Variants in MYO1E observed in about 807,000 individuals in gnomAD.
MYO1E encodes unconventional myosin-Ie.
A neutral mutation model predicts 151.1 loss-of-function variants in MYO1E; 68 were observed. That is an observed-to-expected ratio of 0.45 (90% CI 0.37 to 0.55). The LOEUF is 0.55. Among genes scored for constraint, MYO1E ranks in the 20% least tolerant of loss-of-function variants. The pLI is 0.00. For synonymous variants in MYO1E, 601 were observed against 501.7 expected (o/e 1.20, Z -2.64); for missense variants, 1,363 against 1,389.3 (o/e 0.98, Z 0.30).
chr15:59,150,206 A>C (rs2079467637), intron 26 of MYO1E, among the ~76,000 whole-genome samples: 1 of 152,212 alleles, frequency 6.6e-6, no homozygotes, highest in African/African-American at 2.4e-5. Flanking sequence ...ACATACAAGG[A>C]AATCTTAATG....
chr15:59,206,950 A>C (rs775396580), intron 14 of MYO1E: 1 of 1,612,764 alleles, frequency 6.2e-7, no homozygotes, highest in South Asian at 1.1e-5. Flanking sequence ...CATGAGTTGG[A>C]CTGTGCCTGT....
At chr15:59,264,710 G>GT (rs1268435202) in intron 2 of MYO1E, among the ~76,000 whole-genome samples, 6 of 152,108 alleles carry the variant, frequency 3.9e-5, no homozygotes, top group African/African-American at 4.8e-5. Context: ...TTTCTAATTG[G>GT]TAAGGACCTA....
chr15:59,330,353 A>T (rs758145266), intron 1 of MYO1E, among the ~76,000 whole-genome samples: 3 of 152,196 alleles, frequency 2.0e-5, no homozygotes, highest in Non-Finnish European at 4.4e-5. Flanking sequence ...TCACCCTCGA[A>T]TCCAGTTTCC....
intron 7 of MYO1E, among the ~76,000 whole-genome samples, chr15:59,226,646 A>C (rs932317433): frequency 2.0e-4 from 30 of 152,214 alleles, no homozygotes; most frequent in African/African-American, 7.0e-4. Context: ...ACCTCTACGA[A>C]AAATACAAAA....
chr15:59,351,995 C>T (rs1292189576), intron 1 of MYO1E, among the ~76,000 whole-genome samples: 1 of 152,204 alleles, frequency 6.6e-6, no homozygotes, highest in Non-Finnish European at 1.5e-5. Context: ...TGTTCTCACC[C>T]TCTTTAGGAG....
chr15:59,288,981 C>G (rs890747585), intron 1 of MYO1E, among the ~76,000 whole-genome samples: 1 of 152,166 alleles, frequency 6.6e-6, no homozygotes, highest in African/African-American at 2.4e-5. Context: ...AAGGAAGGGG[C>G]AGAATACTTA....
chr15:59,262,838 C>G (rs1048843554), intron 2 of MYO1E, among the ~76,000 whole-genome samples: 3 of 152,094 alleles, frequency 2.0e-5, no homozygotes, highest in South Asian at 2.1e-4. Context: ...TAAATGAAGA[C>G]TTATGATCAC....
intron 1 of MYO1E, among the ~76,000 whole-genome samples, chr15:59,315,638 T>C (rs1341861244): frequency 3.3e-5 from 5 of 152,136 alleles, no homozygotes; most frequent in Non-Finnish European, 5.9e-5. Flanking sequence ...GTTTCCTCAT[T>C]TGTAAAACAG....
chr15:59,273,532 T>C (rs149765605), intron 1 of MYO1E, among the ~76,000 whole-genome samples: 44 of 152,322 alleles, frequency 2.9e-4, no homozygotes, highest in African/African-American at 9.9e-4. Flanking sequence ...GAGTGGAGGT[T>C]AGGCCACTTT....
intron 1 of MYO1E, among the ~76,000 whole-genome samples, chr15:59,325,932 G>T (rs1453734973): frequency 6.6e-6 from 1 of 152,170 alleles, no homozygotes; most frequent in Non-Finnish European, 1.5e-5. Flanking sequence ...GGGCTGTCCA[G>T]TGAATCAGAA....
At position 59,214,645 on chromosome 15, in the gene MYO1E, A is replaced by G; in HGVS notation, c.1183T>C (p.Phe395Leu). ...GTTATTAAAACTGGCCTTACCTGGAATATTTCAAAGCCATAGATGTCTAGG... is the reference window on the plus strand; with the variant it reads ...GTTATTAAAACTGGCCTTACCTGGAGTATTTCAAAGCCATAGATGTCTAGG... ...GVLDIYGFEI[F>L]QKNGFEQFCI... Residue 395 changes from phenylalanine to leucine, a missense_variant, in exon 11 of 28, where the codon TTC (phenylalanine) becomes CTC (leucine). Transcript: ENST00000288235. 6.2e-7 allele frequency: 1 copy of G among 1,610,934 alleles called. No individual in the cohort carries two copies. The highest frequency in any genetic ancestry group is 8.5e-7 in the Non-Finnish European group (1 of 1,177,068).
chr15:59,290,276 T>C (rs1233122597), intron 1 of MYO1E, among the ~76,000 whole-genome samples: 2 of 152,214 alleles, frequency 1.3e-5, no homozygotes, highest in African/African-American at 4.8e-5. Flanking sequence ...AGATGTCCTC[T>C]GAGAGCCAGG....
intron 1 of MYO1E, among the ~76,000 whole-genome samples, chr15:59,359,103 A>T (rs2140439566): frequency 6.6e-6 from 1 of 151,998 alleles, no homozygotes; most frequent in Non-Finnish European, 1.5e-5. Context: ...TCTCATCTTG[A>T]CATTCTATAT....
chr15:59,168,924 T>G (rs1367920206), intron 22 of MYO1E, among the ~76,000 whole-genome samples: 1 of 152,210 alleles, frequency 6.6e-6, no homozygotes, highest in African/African-American at 2.4e-5. Flanking sequence ...GCTCAGCCTT[T>G]ATTTCATGCT....
At chr15:59,249,296 G>A (rs899548943) in intron 4 of MYO1E, among the ~76,000 whole-genome samples, 66 of 151,944 alleles carry the variant, frequency 4.3e-4, no homozygotes, top group African/African-American at 1.5e-3. Context: ...GTGGTGGCAG[G>A]TGCCTGTAGT....
intron 2 of MYO1E, among the ~76,000 whole-genome samples, chr15:59,264,392 G>A (rs2080241433): frequency 6.6e-6 from 1 of 152,168 alleles, no homozygotes; most frequent in South Asian, 2.1e-4. Context: ...AAGATAAGCA[G>A]GTACTGTTGC....
In MYO1E at chr15:59,291,671, A is replaced by G. The variant is rs2080419257; in HGVS notation, c.4-19222T>C. Among the ~76,000 whole-genome samples the G allele has an allele frequency of 2.6e-5, 3 of 116,530 alleles. No homozygotes were observed. The South Asian group carries it at 9.0e-4, about 35-fold the overall frequency. 76.4% of individuals were successfully genotyped at this position (116,530 alleles called of 152,430 possible). On this transcript the variant is annotated intron_variant, in intron 1 of 27. Transcript: ENST00000288235. The stretch of plus-strand genomic sequence containing the variant: ...GCCAACATGGTGAAATCCCGTCTCT[A>G]CTAAAAATACTAAAAAAAAAAAAAA...
rs182303755 is a variant in MYO1E at position 59,342,593 on chromosome 15, A to C, written c.3+29905T>G. Among the ~76,000 whole-genome samples, 730 of 152,206 alleles carry C rather than the reference A, an allele frequency of 4.8e-3. 4 individuals are homozygous for C. The highest frequency in any genetic ancestry group is 8.8e-3 in the Non-Finnish European group (599 of 68,010). On this transcript the variant is annotated intron_variant, in intron 1 of 27. Coordinates refer to ENST00000288235, the MANE Select transcript of MYO1E (RefSeq NM_004998.4). Reference sequence around the variant, plus strand: ...GCTATTCTATGTCTTTTGATTGCAGAGTTTAGTCTATTTACATTCAATGTT... The same window carrying C: ...GCTATTCTATGTCTTTTGATTGCAGCGTTTAGTCTATTTACATTCAATGTT...
chr15:59,365,362 T>G (rs1331771873), intron 1 of MYO1E, among the ~76,000 whole-genome samples: 1 of 152,124 alleles, frequency 6.6e-6, no homozygotes, highest in Non-Finnish European at 1.5e-5. Flanking sequence ...ACAGTAACCT[T>G]CCACCTACAA....
Sources: gnomAD v4.1 joint callset for allele counts (sites outside exome capture counted in the v4.1 genomes callset) on GRCh38, gnomAD v4.1.1 for gene constraint, MANE v1.5 for transcripts, NCBI Gene and HGNC (gene_info 2026-07-23, HGNC 2026-07-21) for gene names.